The following TRPC3 variants were observed in gnomAD, a reference collection of about 807,000 sequenced individuals.
The protein encoded by TRPC3 is transient receptor potential cation channel subfamily C member 3.
A neutral mutation model predicts 90.9 loss-of-function variants in TRPC3; 54 were observed. The observed-to-expected ratio is 0.59, with a 90% CI of 0.48 to 0.75. TRPC3 has a LOEUF of 0.75. Among genes scored for constraint, TRPC3 ranks in the 30% least tolerant of loss-of-function variants. The probability of loss-of-function intolerance (pLI) is 0.00; values close to 1 mark genes in which losing one functional copy is unlikely to be tolerated. For missense variants in TRPC3, 918 were observed against 1,194.5 expected, an observed-to-expected ratio of 0.77 and a Z score of 3.41; for synonymous variants, 424 against 450.9, an observed-to-expected ratio of 0.94 and a Z score of 0.75.
chr4:121,949,783 A>G (rs1344178834), intron 1 of TRPC3, among the ~76,000 whole-genome samples: 3 of 152,228 alleles, frequency 2.0e-5, no homozygotes, highest in Non-Finnish European at 2.9e-5. Flanking sequence ...GCAAACATAT[A>G]CAAAAGATGT....
At chr4:121,929,515 G>A (rs1325116800) in intron 2 of TRPC3, among the ~76,000 whole-genome samples, 1 of 152,184 alleles carries the variant, frequency 6.6e-6, no homozygotes, top group African/African-American at 2.4e-5. Context: ...ATTAGACCAA[G>A]AGTCTATCTT....
At chr4:121,930,856 T>C in intron 2 of TRPC3, 1 of 350,370 alleles carries the variant, frequency 2.9e-6, no homozygotes, top group African/African-American at 2.5e-5. Context: ...AAAAAAAACA[T>C]TTTGGGTCCA....
intron 2 of TRPC3, among the ~76,000 whole-genome samples, chr4:121,926,212 T>C (rs1729705135): frequency 6.6e-6 from 1 of 152,144 alleles, no homozygotes; most frequent in Non-Finnish European, 1.5e-5. Context: ...CGTGAGGACA[T>C]CTGCCCAGCA....
intron 10 of TRPC3, among the ~76,000 whole-genome samples, chr4:121,892,382 T>C (rs1728360885): frequency 1.3e-5 from 2 of 152,190 alleles, no homozygotes; most frequent in African/African-American, 4.8e-5. Flanking sequence ...AAATTTCTTA[T>C]AGGAAGGAAC....
At chr4:121,939,577 G>T (rs899190250) in intron 1 of TRPC3, among the ~76,000 whole-genome samples, 2 of 152,226 alleles carry the variant, frequency 1.3e-5, no homozygotes, top group African/African-American at 2.4e-5. Context: ...GTAATGGAAT[G>T]ATATGGGAAA....
chr4:121,948,214 A>C (rs1211871587), intron 1 of TRPC3, among the ~76,000 whole-genome samples: 1 of 152,008 alleles, frequency 6.6e-6, no homozygotes, highest in African/African-American at 2.4e-5. Context: ...TATCTGAAAA[A>C]TCAGATCCTC....
chr4:121,907,592 A>G, intron 6 of TRPC3, 25 bp from the exon 7 acceptor site: 1 of 1,582,412 alleles, frequency 6.3e-7, no homozygotes, highest in Non-Finnish European at 8.6e-7. Flanking sequence ...GAAAGAGATT[A>G]AAAATGGAGC....
intron 1 of TRPC3, among the ~76,000 whole-genome samples, chr4:121,940,500 C>G (rs991133142): frequency 6.6e-6 from 1 of 152,202 alleles, no homozygotes; most frequent in African/African-American, 2.4e-5. Flanking sequence ...ACACCTACCT[C>G]CAGGATGTTC....
At chr4:121,913,538 C>A (rs1729186262) in intron 4 of TRPC3, among the ~76,000 whole-genome samples, 1 of 152,138 alleles carries the variant, frequency 6.6e-6, no homozygotes, top group Non-Finnish European at 1.5e-5. Context: ...CTACTTCAAA[C>A]CTGATGGAAT....
Position 121,879,804 on chromosome 4 carries a change from C to G in TRPC3, c.2698G>C (p.Glu900Gln). Residue 900 changes from glutamate (E) to glutamine (Q), a missense_variant, in exon 12 of 12, where the codon GAG becomes CAG. By Grantham distance (29) the Glu-to-Gln change is conservative. Around this residue, in one of 4 missense-constraint regions of TRPC3, gnomAD observed 41 missense variants for 69.4 expected, o/e 0.59. Coordinates refer to ENST00000379645, the MANE Select transcript of TRPC3 (RefSeq NM_001130698.2). ...ELLEDKSQAT[E>Q]ELAILIHKLS... ...TTATGAATTAGAATGGCTAATTCCT[C>G]AGTTGCTTGGCTCTTGTCTTCCAAA... is the stretch of plus-strand genomic sequence containing the variant. 6 of 1,607,960 alleles carry G rather than the reference C, an allele frequency of 3.7e-6. No individual in the cohort carries two copies. The highest frequency in any genetic ancestry group is 3.4e-6 in the Non-Finnish European group (4 of 1,178,056).
chr4:121,910,648 A>C (rs371615576), intron 5 of TRPC3, among the ~76,000 whole-genome samples: 2 of 152,278 alleles, frequency 1.3e-5, no homozygotes, highest in African/African-American at 4.8e-5. Flanking sequence ...AGATGTCTCT[A>C]TTCATGAGAG....
At chr4:121,914,732 G>T (rs980247635) in intron 4 of TRPC3, 48 bp downstream of exon 4, 3 of 1,461,368 alleles carry the variant, frequency 2.1e-6, no homozygotes, top group Non-Finnish European at 2.7e-6. Context: ...TTATCCCAAA[G>T]AGACACAGTA....
chr4:121,878,250 A>G lies in TRPC3; in HGVS notation c.*1486T>C, dbSNP rs1727824099. On this transcript the variant is annotated 3_prime_UTR_variant, in exon 12 of 12. Coordinates refer to ENST00000379645, the MANE Select transcript of TRPC3 (RefSeq NM_001130698.2). Reference sequence around the variant, plus strand: ...TTCCTTTCTTAATTTAACTCCCAAAAAGTAGAAATTAAGAAATAATCTTTA... The same window carrying G: ...TTCCTTTCTTAATTTAACTCCCAAAGAGTAGAAATTAAGAAATAATCTTTA... 6.6e-6 allele frequency among the ~76,000 whole-genome samples: 1 copy of G among 152,208 alleles called. No individual in the cohort carries two copies. Among genetic ancestry groups the G allele is most frequent in the Non-Finnish European group, 1.5e-5 (1 of 68,028 alleles).
In TRPC3 at chr4:121,932,678, T is replaced by A; in HGVS notation, c.580A>T (p.Ile194Phe). ...GCCGCGAAGCCAGGGTGGTTGAGGA[T>A]GGCCTCTACGATGCGCACGTAGCCC... ...SKGYVRIVEA[I>F]LNHPGFAASK... Residue 194 changes from isoleucine to phenylalanine, a missense_variant, in exon 2 of 12, where the codon ATC (isoleucine) becomes TTC (phenylalanine). Physicochemically the swap from Ile to Phe is conservative, Grantham distance 21. Transcript: ENST00000379645. The surrounding 1 kb of genome is among the most constrained non-coding windows in gnomAD (Gnocchi z 7.7). 1 of 1,613,332 alleles carries A rather than the reference T, an allele frequency of 6.2e-7. No individual in the cohort carries two copies. The highest frequency in any genetic ancestry group is 8.5e-7 in the Non-Finnish European group (1 of 1,179,470).
chr4:121,918,351 T>C (rs1326979539), intron 3 of TRPC3, among the ~76,000 whole-genome samples: 6 of 152,210 alleles, frequency 3.9e-5, no homozygotes, highest in Non-Finnish European at 8.8e-5. Context: ...TAGTCGTTCT[T>C]AGGTTTTAAA....
At chr4:121,885,327 T>C (rs1314107500) in intron 10 of TRPC3, among the ~76,000 whole-genome samples, 2 of 152,180 alleles carry the variant, frequency 1.3e-5, no homozygotes, top group Non-Finnish European at 2.9e-5. Flanking sequence ...CAAAGACTCT[T>C]GAGGTCTCTC....
rs147715314 is a variant in TRPC3, at chr4:121,938,077, G to C, written c.216-5035C>G. On this transcript the variant is annotated intron_variant, in intron 1 of 11. Transcript: ENST00000379645. ...ATACCCTCTCATATATGCCTCTACTGTACACGTTCATAGATAGTACAGTCA... is the reference window on the plus strand; with the variant it reads ...ATACCCTCTCATATATGCCTCTACTCTACACGTTCATAGATAGTACAGTCA... 2.5e-4 allele frequency among the ~76,000 whole-genome samples: 38 copies of C among 150,210 alleles called. No individual in the cohort carries two copies. In the East Asian group the frequency reaches 7.2e-3, roughly 29 times the overall value.
chr4:121,914,960 G>A lies in TRPC3; in HGVS notation c.1177-16C>T. 6.3e-7 allele frequency: 1 copy of A among 1,581,334 alleles called. No homozygotes were observed. The highest frequency in any genetic ancestry group is 8.7e-7 in the Non-Finnish European group (1 of 1,155,396). On this transcript the variant is annotated splice_polypyrimidine_tract_variant and intron_variant, in intron 3 of 11. Coordinates refer to ENST00000379645, the MANE Select transcript of TRPC3 (RefSeq NM_001130698.2). ...GAGCCACAAACTATTGGGAGAGAGA[G>A]AGTTTGAGAAGGGGAGAGAAAGGTA... is the stretch of plus-strand genomic sequence containing the variant.
At chr4:121,943,988 A>C (rs1730407081) in intron 1 of TRPC3, among the ~76,000 whole-genome samples, 1 of 152,142 alleles carries the variant, frequency 6.6e-6, no homozygotes, top group Admixed American at 6.5e-5. Flanking sequence ...TAAACACAAA[A>C]TGCTATTAAC....
Sources: gnomAD v4.1 joint callset for allele counts (sites outside exome capture counted in the v4.1 genomes callset) on GRCh38, gnomAD v4.1.1 for gene constraint, gnomAD v4.1.1 regional missense constraint, Gnocchi (gnomAD v3.1) non-coding constraint, MANE v1.5 for transcripts, NCBI Gene and HGNC (gene_info 2026-07-23, HGNC 2026-07-21) for gene names.